AP3D1: variants seen among roughly 807,000 people sequenced by gnomAD.
The protein encoded by AP3D1 is AP-3 complex subunit delta-1.
In AP3D1, 51 loss-of-function variants were observed where a neutral mutation model predicts 147.6. That is an observed-to-expected ratio of 0.35 (90% CI 0.28 to 0.44). The LOEUF (loss-of-function observed/expected upper bound fraction) is 0.44, where lower values mean the gene tolerates loss of function less well. Among genes scored for constraint, AP3D1 ranks in the 20% least tolerant of loss-of-function variants. The probability of loss-of-function intolerance (pLI) is 1.00; values close to 1 mark genes in which losing one functional copy is unlikely to be tolerated. For synonymous variants in AP3D1, 760 were observed against 663.0 expected (o/e 1.15, Z -2.25); for missense variants, 1,421 against 1,624.2 (o/e 0.87, Z 2.15).
rs1023094395 is a variant in AP3D1 at position 2,114,665 on chromosome 19, G to A, written c.2423+83C>T. 40 of 438,034 alleles carry A rather than the reference G, an allele frequency of 9.1e-5. 1 individual carries two copies. The highest frequency in any genetic ancestry group is 2.7e-4 in the South Asian group (12 of 44,530). 27.1% of individuals were successfully genotyped at this position (438,034 alleles called of 1,614,324 possible). The stretch of plus-strand genomic sequence containing the variant: ...CCAGCCTGCCCACCCTGCAGAGCCC[G>A]GCCCCACCCGGAAGGGAGGACGAGA... On this transcript the variant is annotated intron_variant, in intron 21 of 31. Transcript: ENST00000643116.
At chr19:2,108,916 G>A (rs2018186207) in intron 30 of AP3D1, 150 bp from the exon 31 acceptor site, 2 of 1,306,376 alleles carry the variant, frequency 1.5e-6, no homozygotes, top group East Asian at 5.1e-5. Flanking sequence ...CCTGGGGTGT[G>A]GGGAATGCAG....
Position 2,114,260 on chromosome 19 carries a change from T to G in AP3D1, c.2466A>C (p.Arg822Ser). 6.2e-7 allele frequency: 1 copy of G among 1,612,788 alleles called. No homozygotes were observed. Among genetic ancestry groups the G allele is most frequent in the Non-Finnish European group, 8.5e-7 (1 of 1,179,656 alleles). ...CAGGGGATTTTGAGGTCTCGGTGTT[T>G]CTGTGTTTCTGAATAGGCAGTTTCT... ...DSEKLPIQKH[R>S]NTETSKSPEK... The change falls in exon 22 of 32, where the codon AGA becomes AGC. Residue 822 changes from arginine (R) to serine (S), a missense_variant. By Grantham distance (110) the Arg-to-Ser change is moderately radical. Transcript: ENST00000643116.
intron 1 of AP3D1, among the ~76,000 whole-genome samples, chr19:2,160,046 T>A (rs571790585): frequency 6.6e-6 from 1 of 151,098 alleles, no homozygotes; most frequent in Admixed American, 6.6e-5. Context: ...AGACGGGGTT[T>A]CACCATGTTG....
rs371532972 is a variant in AP3D1 at position 2,105,787 on chromosome 19, C to T, written c.3552+2900G>A. Reference sequence around the variant, plus strand: ...GCAGCAACAGATCAGCTCCAGCCGCCTCAGGCCCAGCAGAATGGCTGCCGT... The same window carrying T: ...GCAGCAACAGATCAGCTCCAGCCGCTTCAGGCCCAGCAGAATGGCTGCCGT... On this transcript the variant is annotated intron_variant, in intron 31 of 31. Transcript: ENST00000643116. 3.9e-5 allele frequency among the ~76,000 whole-genome samples: 6 copies of T among 152,284 alleles called. No homozygotes were observed. In the East Asian group the frequency reaches 7.7e-4, roughly 20 times the overall value.
rs1225213464 is a variant in AP3D1, at chr19:2,151,515, G to C, written c.-181C>G. On this transcript the variant is annotated 5_prime_UTR_variant, in exon 1 of 32. Coordinates refer to ENST00000643116, the MANE Select transcript of AP3D1 (RefSeq NM_001261826.3). ...GGCAGAGGCGGCGACCCGCTCGGCA[G>C]GTGCCGCGATCCCGCTCCGGGCCCC... 1 of 180,458 alleles carries C rather than the reference G, an allele frequency of 5.5e-6. No individual in the cohort carries two copies. Among genetic ancestry groups the C allele is most frequent in the Non-Finnish European group, 1.1e-5 (1 of 92,466 alleles). The allele number at this position is 180,458 out of a possible 1,614,324, so 11.2% of individuals were successfully genotyped here.
intron 26 of AP3D1, 99 bp from the exon 27 acceptor site, chr19:2,110,995 C>T (rs2018258409): frequency 1.4e-5 from 19 of 1,345,456 alleles, no homozygotes; most frequent in Non-Finnish European, 1.9e-5. Context: ...GCAGGGGTCC[C>T]ACAGGCACAG....
rs753832288 is a variant in AP3D1 at position 2,123,818 on chromosome 19, T to C, written c.906+12A>G. The C allele has an allele frequency of 1.7e-5, 27 of 1,565,994 alleles. No homozygotes were observed. The highest frequency in any genetic ancestry group is 2.3e-5 in the Non-Finnish European group (27 of 1,155,816). ...GTGGGACCCCATGGGCCCCGCCCAG[T>C]GCGGGACGTACCTGGATGCTGGCGC... On this transcript the variant is annotated intron_variant, in intron 10 of 31. Transcript: ENST00000643116.
intron 8 of AP3D1, among the ~76,000 whole-genome samples, chr19:2,127,914 G>A (rs2018803641): frequency 6.6e-6 from 1 of 152,224 alleles, no homozygotes; most frequent in Non-Finnish European, 1.5e-5. Flanking sequence ...TGCAGCGTAG[G>A]GCCGCAGCCA....
At chr19:2,136,019 C>T (rs113259400) in intron 4 of AP3D1, among the ~76,000 whole-genome samples, 4 of 151,164 alleles carry the variant, frequency 2.6e-5, no homozygotes, top group Admixed American at 2.6e-4. Flanking sequence ...TACACGGCCA[C>T]GACCCAAGAA....
intron 17 of AP3D1, 22 bp from the exon 18 acceptor site, chr19:2,116,300 G>A (rs921022341): frequency 1.2e-6 from 2 of 1,611,790 alleles, no homozygotes; most frequent in Non-Finnish European, 1.7e-6. Context: ...AGCTTGGCAT[G>A]AGCCCGAGAG....
chr19:2,103,674 G>C (rs1264903862), intron 31 of AP3D1, among the ~76,000 whole-genome samples: 1 of 152,104 alleles, frequency 6.6e-6, no homozygotes, highest in Non-Finnish European at 1.5e-5. Flanking sequence ...GTGTGCTTGG[G>C]GCCACAGTCC....
intron 1 of AP3D1, among the ~76,000 whole-genome samples, chr19:2,146,583 G>A (rs551785021): frequency 7.0e-4 from 97 of 139,148 alleles, no homozygotes; most frequent in African/African-American, 2.6e-3. Context: ...CAGCCTGGGT[G>A]ACAGACGGAG....
Position 2,120,854 on chromosome 19 carries a change from C to T in AP3D1, c.1481+8G>A. The T allele has an allele frequency of 6.2e-7, 1 of 1,603,912 alleles. No homozygotes were observed. The highest frequency in any genetic ancestry group is 8.5e-7 in the Non-Finnish European group (1 of 1,177,356). The stretch of plus-strand genomic sequence containing the variant: ...AGCTGCCAGCCCAGAGGCCCAGCGC[C>T]CACTCACTCTGAGAACTCCCCGCAG... On this transcript the variant is annotated splice_region_variant and intron_variant, in intron 14 of 31. Transcript: ENST00000643116.
chr19:2,121,331 C>G lies in AP3D1; in HGVS notation c.1102-20G>C. 1.2e-6 allele frequency: 2 copies of G among 1,613,564 alleles called. No homozygotes were observed. The highest frequency in any genetic ancestry group is 1.7e-6 in the Non-Finnish European group (2 of 1,179,792). On this transcript the variant is annotated intron_variant, in intron 12 of 31. Coordinates refer to ENST00000643116, the MANE Select transcript of AP3D1 (RefSeq NM_001261826.3). The stretch of plus-strand genomic sequence containing the variant: ...GGACACCTGGGCAAAAGTGTACAGA[C>G]AGTGGTGAGAGCGGACCCAGCCTGG...
chr19:2,148,072 G>T (rs1293087499), intron 1 of AP3D1, among the ~76,000 whole-genome samples: 12 of 150,528 alleles, frequency 8.0e-5, no homozygotes, highest in African/African-American at 2.2e-4. Context: ...GCGTGAACCC[G>T]GGAGGCACAG....
intron 1 of AP3D1, among the ~76,000 whole-genome samples, chr19:2,150,022 G>A (rs966229232): frequency 6.6e-6 from 1 of 152,160 alleles, no homozygotes; most frequent in Non-Finnish European, 1.5e-5. Context: ...GGGTGGAGAA[G>A]AACAAAAATG....
upstream of AP3D1, among the ~76,000 whole-genome samples, chr19:2,151,928 T>C (rs2019537727): frequency 6.6e-6 from 1 of 152,252 alleles, no homozygotes; most frequent in African/African-American, 2.4e-5. Context: ...CGAGGAAGAC[T>C]GGAGCTCCGC....
chr19:2,131,800 G>A (rs1468390193), intron 5 of AP3D1, among the ~76,000 whole-genome samples: 4 of 135,194 alleles, frequency 3.0e-5, no homozygotes, highest in East Asian at 4.5e-4. Flanking sequence ...CGCGCCCATC[G>A]GCCACGATCT....
At position 2,109,950 on chromosome 19, in the gene AP3D1, C is replaced by G; in HGVS notation, c.3273G>C (p.Glu1091Asp). 7 of 1,613,648 alleles carry G rather than the reference C, an allele frequency of 4.3e-6. No individual in the cohort carries two copies. Among genetic ancestry groups the G allele is most frequent in the Non-Finnish European group, 5.9e-6 (7 of 1,179,944 alleles). ...AGTCCAGCTTCTCGTGGGTCGCACCCTCGTCATTCTGCGGTGGAGTGAAGG... is the reference window on the plus strand; with the variant it reads ...AGTCCAGCTTCTCGTGGGTCGCACCGTCGTCATTCTGCGGTGGAGTGAAGG... ...GTLSFIAKND[E>D]GATHEKLDFR... Residue 1091 changes from glutamate (E) to aspartate (D), a missense_variant, in exon 29 of 32, where the codon GAG becomes GAC. Glu to Asp is a conservative substitution (Grantham distance 45). Coordinates refer to ENST00000643116, the MANE Select transcript of AP3D1 (RefSeq NM_001261826.3).
Sources: allele counts gnomAD v4.1 joint callset (sites outside exome capture counted in the v4.1 genomes callset), GRCh38; gene constraint gnomAD v4.1.1; transcripts MANE v1.5; gene names NCBI Gene and HGNC (gene_info 2026-07-23, HGNC 2026-07-21).